STK39: variants seen among roughly 807,000 people sequenced by gnomAD.
STK39 encodes serine/threonine kinase 39, also known as STE20/SPS1-related proline-alanine-rich protein kinase.
A neutral mutation model predicts 77.8 loss-of-function variants in STK39; 20 were observed. The ratio of observed to expected loss-of-function variants is 0.26; its 90% CI spans 0.18 to 0.37. The LOEUF is 0.37. Ranked by LOEUF, STK39 falls within the 10% of genes least tolerant of loss-of-function variation. The pLI is 1.00. For missense variants in STK39, 479 were observed against 656.5 expected (o/e 0.73, Z 2.95); for synonymous variants, 246 against 234.1 (o/e 1.05, Z -0.47).
chr2:168,243,920 A>T (rs1338770008), intron 1 of STK39, among the ~76,000 whole-genome samples: 1 of 152,204 alleles, frequency 6.6e-6, no homozygotes. Flanking sequence ...TCACCCCCAA[A>T]TTCCTTCTTT....
intron 2 of STK39, among the ~76,000 whole-genome samples, chr2:168,180,705 C>T (rs559239134): frequency 1.3e-5 from 2 of 151,884 alleles, no homozygotes; most frequent in Non-Finnish European, 2.9e-5. Context: ...ACTAAGATAG[C>T]AAGCAACAGA....
chr2:168,098,305 A>G (rs4667556), intron 10 of STK39, among the ~76,000 whole-genome samples: 114,092 of 152,116 alleles, frequency 0.75, 43,165 homozygotes, highest in Admixed American at 0.8. Flanking sequence ...CAGCACAATC[A>G]TTTTATACTA....
intron 10 of STK39, among the ~76,000 whole-genome samples, chr2:168,109,636 T>C (rs913669693): frequency 9.9e-5 from 15 of 152,232 alleles, no homozygotes; most frequent in African/African-American, 3.6e-4. Context: ...TGCCACATTC[T>C]TGTCCAAATT....
intron 16 of STK39, among the ~76,000 whole-genome samples, chr2:167,982,959 T>A (rs1252590620): frequency 6.6e-6 from 1 of 152,182 alleles, no homozygotes; most frequent in East Asian, 1.9e-4. Flanking sequence ...CAAGGTAGCA[T>A]GAGGACAGAG....
chr2:168,024,084 C>G (rs938021392), intron 14 of STK39, among the ~76,000 whole-genome samples: 2 of 152,148 alleles, frequency 1.3e-5, no homozygotes, highest in African/African-American at 2.4e-5. Flanking sequence ...AGGAATTGGT[C>G]AGGACATCAT....
chr2:168,035,111 C>T (rs1684918707), intron 14 of STK39, among the ~76,000 whole-genome samples: 1 of 152,150 alleles, frequency 6.6e-6, no homozygotes, highest in African/African-American at 2.4e-5. Flanking sequence ...TGGGAACCTC[C>T]TGTATCCAGA....
At chr2:168,085,781 G>A (rs7589001) in intron 10 of STK39, among the ~76,000 whole-genome samples, 2,412 of 152,306 alleles carry the variant, frequency 0.016, 63 homozygotes, top group African/African-American at 0.055. Flanking sequence ...ACAGAGTCCA[G>A]TGCCCTCTCC....
intron 10 of STK39, among the ~76,000 whole-genome samples, chr2:168,118,123 G>A (rs1687305499): frequency 6.6e-6 from 1 of 152,092 alleles, no homozygotes; most frequent in South Asian, 2.1e-4. Flanking sequence ...TTACCAGGAT[G>A]CTCGGGGAGC....
chr2:168,124,273 T>G (rs1482181852), intron 10 of STK39, among the ~76,000 whole-genome samples: 2 of 152,220 alleles, frequency 1.3e-5, no homozygotes, highest in Non-Finnish European at 2.9e-5. Flanking sequence ...GGGAAAGAAC[T>G]GCCTATTACA....
chr2:167,983,453 CAAA>C (rs761596679), intron 16 of STK39, among the ~76,000 whole-genome samples: 41 of 92,162 alleles, frequency 4.4e-4, no homozygotes, highest in African/African-American at 6.1e-4. Context: ...AAACTCCATC[CAAA>C]AAAAAAAAAA....
chr2:167,955,407 G>T lies in STK39; in HGVS notation c.*89C>A. The T allele has an allele frequency of 7.9e-7, 1 of 1,267,480 alleles. No individual in the cohort carries two copies. The highest frequency in any genetic ancestry group is 1.1e-6 in the Non-Finnish European group (1 of 895,626). The allele number at this position is 1,267,480 out of a possible 1,614,324, so 78.5% of individuals were successfully genotyped here. A position where few individuals can be genotyped will look rare whatever the true frequency, so the allele number is the denominator to read the frequency against. On this transcript the variant is annotated 3_prime_UTR_variant, in exon 18 of 18. Transcript: ENST00000355999. The stretch of plus-strand genomic sequence containing the variant: ...TGCTAGGAAATGGGAGTGAGGGGGT[G>T]GGAGGAAATGGGCAGAAAGAGGGAG...
At chr2:168,099,337 T>C (rs976364671) in intron 10 of STK39, among the ~76,000 whole-genome samples, 3 of 152,216 alleles carry the variant, frequency 2.0e-5, no homozygotes, top group African/African-American at 7.2e-5. Context: ...AAATCACCAA[T>C]CCAAACACAA....
chr2:167,983,286 C>T lies in STK39; in HGVS notation c.1499-18560G>A, dbSNP rs376927857. ...CCTGAGGTCAGAAGCTCGAGACCAG[C>T]TTGACCAAGATGGTGAAACCCTGTC... On this transcript the variant is annotated intron_variant, in intron 16 of 17. Transcript: ENST00000355999. Among the ~76,000 whole-genome samples, 119 of 152,064 alleles carry T rather than the reference C, an allele frequency of 7.8e-4. 1 individual carries two copies. The highest frequency in any genetic ancestry group is 2.7e-3 in the African/African-American group (110 of 41,490).
chr2:168,183,909 C>G (rs11898447), intron 1 of STK39, among the ~76,000 whole-genome samples: 3 of 152,186 alleles, frequency 2.0e-5, no homozygotes, highest in African/African-American at 7.2e-5. Flanking sequence ...GAACAAGACA[C>G]TATCACTGAA....
At chr2:168,201,478 C>T (rs1689610736) in intron 1 of STK39, among the ~76,000 whole-genome samples, 1 of 152,212 alleles carries the variant, frequency 6.6e-6, no homozygotes, top group Non-Finnish European at 1.5e-5. Flanking sequence ...AAGCTCTGGC[C>T]ATCATGGGTC....
At chr2:168,073,753 C>T (rs990961100) in intron 12 of STK39, among the ~76,000 whole-genome samples, 5 of 152,046 alleles carry the variant, frequency 3.3e-5, no homozygotes, top group South Asian at 2.1e-4. Flanking sequence ...CTCAGCCTCC[C>T]GAGTACAGAT....
chr2:168,216,515 G>T (rs1018587763), intron 1 of STK39, among the ~76,000 whole-genome samples: 1 of 152,204 alleles, frequency 6.6e-6, no homozygotes, highest in Non-Finnish European at 1.5e-5. Flanking sequence ...TTGGCTGTTT[G>T]AAGATCTCCT....
Position 168,161,771 on chromosome 2 carries a change from T to C in STK39, c.628+16A>G, listed in dbSNP as rs1688578974. On this transcript the variant is annotated intron_variant, in intron 5 of 17. Transcript: ENST00000355999. ...TCCGTAATCAAGTAAAAAATTTTTC[T>C]ATTTATCAGCTTTACCTGCTATTTG... 1 of 1,593,756 alleles carries C rather than the reference T, an allele frequency of 6.3e-7. No homozygotes were observed. Among genetic ancestry groups the C allele is most frequent in the Admixed American group, 1.8e-5 (1 of 56,210 alleles).
chr2:168,075,066 TA>T, intron 11 of STK39, 42 bp downstream of exon 11: 1 of 1,613,966 alleles, frequency 6.2e-7, no homozygotes, highest in South Asian at 1.1e-5. Context: ...ATCACAAAAA[TA>T]AAATTTACAC....
Sources: gnomAD v4.1 joint callset for allele counts (sites outside exome capture counted in the v4.1 genomes callset) on GRCh38, gnomAD v4.1.1 for gene constraint, MANE v1.5 for transcripts, NCBI Gene and HGNC (gene_info 2026-07-23, HGNC 2026-07-21) for gene names.